Variants in MBOAT7 observed in about 807,000 individuals in gnomAD.
MBOAT7 encodes the protein membrane-bound acylglycerophosphatidylinositol O-acyltransferase MBOAT7.
Under a neutral mutation model 47.4 loss-of-function variants are expected in MBOAT7, and 40 were observed. The ratio of observed to expected loss-of-function variants is 0.84; its 90% CI spans 0.66 to 1.10. The LOEUF is 1.10. MBOAT7 is among the 50% of genes least tolerant of loss of function. The pLI is 0.00. For synonymous variants in MBOAT7, 361 were observed against 292.0 expected (o/e 1.24, Z -2.41); for missense variants, 680 against 655.6 (o/e 1.04, Z -0.41).
chr19:54,189,008 C>T (rs2076547751), intron 1 of MBOAT7, among the ~76,000 whole-genome samples: 1 of 149,204 alleles, frequency 6.7e-6, no homozygotes, highest in Non-Finnish European at 1.5e-5. Flanking sequence ...TCCCCCGGCC[C>T]TTGTGAAACC....
chr19:54,188,057 G>GAAA (rs1294051092), intron 3 of MBOAT7, among the ~76,000 whole-genome samples, 160 bp downstream of exon 3: 1 of 53,598 alleles, frequency 1.9e-5, no homozygotes, highest in African/African-American at 5.1e-5. Context: ...AAGAAAGAAA[G>GAAA]AAAGAAAGAA....
At chr19:54,179,411 T>C (rs1405009708) in intron 6 of MBOAT7, 2 of 169,798 alleles carry the variant, frequency 1.2e-5, no homozygotes, top group African/African-American at 4.8e-5. Context: ...CCCATGATCT[T>C]TGTTGCTAAG....
chr19:54,184,728 C>G (rs1371575749), intron 4 of MBOAT7, among the ~76,000 whole-genome samples: 1 of 151,954 alleles, frequency 6.6e-6, no homozygotes, highest in Admixed American at 6.6e-5. Flanking sequence ...CATGGAAAAA[C>G]CCTGTCTCTA....
chr19:54,177,373 G>T (rs973006759), intron 7 of MBOAT7, among the ~76,000 whole-genome samples: 3 of 151,826 alleles, frequency 2.0e-5, no homozygotes, highest in African/African-American at 7.3e-5. Context: ...TCGGCTCACT[G>T]CAAGCTCCGT....
Position 54,188,435 on chromosome 19 carries a change from G to T in MBOAT7, c.74C>A (p.Ala25Asp). 6.4e-7 allele frequency: 1 copy of T among 1,562,960 alleles called. No homozygotes were observed. The highest frequency in any genetic ancestry group is 8.7e-7 in the Non-Finnish European group (1 of 1,152,632). Residue 25 changes from alanine (A) to aspartate (D), a missense_variant and splice_region_variant, in exon 2 of 8, where the codon GCC (alanine) becomes GAC (aspartate). By Grantham distance (126) the Ala-to-Asp change is moderately radical. Transcript: ENST00000245615. ...ACTGGGGAGGGAGCCTGACTCACCG[G>T]CTTTCTTAAAGAGGAAGCCGATGGG... The part of the protein sequence containing the change: ...SIPIGFLFKK[A>D]GPGLKRWGAA...
Position 54,183,596 on chromosome 19 carries a change from G to A in MBOAT7, c.418C>T (p.Leu140=). ...GAGGGCACGTCGGGCAGCAGCCCCAGGGTGGGCCCCTTGCTGAAGCCTGAG... is the reference window on the plus strand; with the variant it reads ...GAGGGCACGTCGGGCAGCAGCCCCAAGGTGGGCCCCTTGCTGAAGCCTGAG... ...MASGFSKGPT[L]GLLPDVPSLM... The change falls in exon 5 of 8, where the codon CTG becomes TTG. Residue 140 remains leucine, a synonymous_variant. Coordinates refer to ENST00000245615, the MANE Select transcript of MBOAT7 (RefSeq NM_024298.5). 4 of 1,608,666 alleles carry A rather than the reference G, an allele frequency of 2.5e-6. No homozygotes were observed. The highest frequency in any genetic ancestry group is 3.3e-4 in the Middle Eastern group (2 of 6,040).
intron 5 of MBOAT7, among the ~76,000 whole-genome samples, chr19:54,183,132 C>G (rs757502608): frequency 6.6e-6 from 1 of 152,154 alleles, no homozygotes; most frequent in Non-Finnish European, 1.5e-5. Context: ...TCCGAAAGTG[C>G]TAGGATTATA....
At chr19:54,174,863 C>T (rs1006969162) in intron 7 of MBOAT7, among the ~76,000 whole-genome samples, 6 of 152,190 alleles carry the variant, frequency 3.9e-5, no homozygotes, top group Admixed American at 6.5e-5. Context: ...TCGCAGCCTT[C>T]CATACACACT....
chr19:54,187,331 C>A, intron 3 of MBOAT7, 44 bp from the exon 4 acceptor site: 1 of 1,548,296 alleles, frequency 6.5e-7, no homozygotes, highest in Non-Finnish European at 8.7e-7. Flanking sequence ...ACAGAAGTCT[C>A]GGCCTTGGCC....
chr19:54,178,296 A>G, intron 7 of MBOAT7: 1 of 1,005,958 alleles, frequency 9.9e-7, no homozygotes, highest in African/African-American at 1.7e-5. Context: ...AAAAACAATA[A>G]AAATGAATAC....
At position 54,181,249 on chromosome 19, in the gene MBOAT7, A is replaced by G. The variant is rs977501806; in HGVS notation, c.494-116T>C. 3.1e-6 allele frequency: 4 copies of G among 1,295,042 alleles called. No homozygotes were observed. In the African/African-American group the frequency reaches 4.6e-5, roughly 15 times the overall value. 80.2% of individuals were successfully genotyped at this position (1,295,042 alleles called of 1,614,324 possible). On this transcript the variant is annotated intron_variant, in intron 5 of 7. Transcript: ENST00000245615. ...TGGGAAGAGGGAGTGAGAGGGGCAG[A>G]GACTGGGCGCCGGGGAGACCCCAAG...
intron 7 of MBOAT7, chr19:54,178,156 T>G: frequency 1.2e-6 from 1 of 844,014 alleles, no homozygotes; most frequent in Non-Finnish European, 1.4e-6. Flanking sequence ...ATGATCCACC[T>G]GCTTGGGCCT....
At chr19:54,183,898 G>A (rs74444732) in intron 4 of MBOAT7, among the ~76,000 whole-genome samples, 3,935 of 152,218 alleles carry the variant, frequency 0.026, 115 homozygotes, top group East Asian at 0.12. Flanking sequence ...CTGCTCTCAC[G>A]CAATCACGGA....
At chr19:54,174,507 G>C in intron 7 of MBOAT7, 76 bp from the exon 8 acceptor site, 1 of 1,407,430 alleles carries the variant, frequency 7.1e-7, no homozygotes, top group Non-Finnish European at 9.3e-7. Flanking sequence ...CAGGAGTCCA[G>C]GACCCCAGCC....
intron 7 of MBOAT7, among the ~76,000 whole-genome samples, chr19:54,176,177 T>C (rs892837785): frequency 5.3e-5 from 8 of 152,192 alleles, no homozygotes; most frequent in African/African-American, 1.7e-4. Flanking sequence ...TTTGTAAAGA[T>C]GGAGTCTTGC....
At chr19:54,185,278 A>T (rs1452029015) in intron 4 of MBOAT7, among the ~76,000 whole-genome samples, 1 of 151,870 alleles carries the variant, frequency 6.6e-6, no homozygotes, top group African/African-American at 2.4e-5. Context: ...GGCTGGTCTT[A>T]AACTCCTGGC....
At position 54,180,772 on chromosome 19, in the gene MBOAT7, C is replaced by A. The variant is rs886041060; in HGVS notation, c.854+1G>T. The A allele has an allele frequency of 2.6e-6, 4 of 1,526,960 alleles. No homozygotes were observed. Among genetic ancestry groups the A allele is most frequent in the Non-Finnish European group, 3.5e-6 (4 of 1,144,348 alleles). 94.6% of individuals were successfully genotyped at this position (1,526,960 alleles called of 1,614,324 possible). ...GGGAAGCCTCCCTCGCGCCGCCTGA[C>A]CTGCTGGGGGGTGGGCATTGGAGGG... On this transcript the variant is annotated splice_donor_variant, in intron 6 of 7. Transcript: ENST00000245615. LOFTEE classifies it high-confidence loss of function. This position sits in a 1 kb window ranked among gnomAD's most constrained non-coding sequence, Gnocchi z 5.2.
rs527722485 is a variant in MBOAT7, at chr19:54,183,457, G to A, written c.493+64C>T. On this transcript the variant is annotated intron_variant, in intron 5 of 7. Coordinates refer to ENST00000245615, the MANE Select transcript of MBOAT7 (RefSeq NM_024298.5). ...TGGGCAGGGCGGGAACACAGAACAG[G>A]CACTCAGGGCGGAAGGGGACACAGG... 1.7e-5 allele frequency: 27 copies of A among 1,559,538 alleles called. No homozygotes were observed. The South Asian group carries it at 2.8e-4, about 16-fold the overall frequency.
At chr19:54,177,264 T>C (rs945724338) in intron 7 of MBOAT7, among the ~76,000 whole-genome samples, 2 of 152,004 alleles carry the variant, frequency 1.3e-5, no homozygotes, top group South Asian at 4.1e-4. Context: ...TTAAATTAAA[T>C]TAATAATTAT....
Sources: gnomAD v4.1 joint callset for allele counts (sites outside exome capture counted in the v4.1 genomes callset) on GRCh38, gnomAD v4.1.1 for gene constraint, Gnocchi (gnomAD v3.1) non-coding constraint, MANE v1.5 for transcripts, NCBI Gene and HGNC (gene_info 2026-07-23, HGNC 2026-07-21) for gene names.